PDE3A: variants seen among roughly 807,000 people sequenced by gnomAD.
PDE3A encodes the protein cGMP-inhibited 3',5'-cyclic phosphodiesterase 3A.
In PDE3A, 43 loss-of-function variants were observed where a neutral mutation model predicts 98.3. The observed-to-expected ratio is 0.44, with a 90% CI of 0.34 to 0.56. The LOEUF (loss-of-function observed/expected upper bound fraction) is 0.56, where lower values mean the gene tolerates loss of function less well. Ranked by LOEUF, PDE3A falls within the 20% of genes least tolerant of loss-of-function variation. The probability of loss-of-function intolerance (pLI) is 0.01; values close to 1 mark genes in which losing one functional copy is unlikely to be tolerated. For synonymous variants in PDE3A, 663 were observed against 567.9 expected, an observed-to-expected ratio of 1.17 and a Z score of -2.38; for missense variants, 1,427 against 1,440.7, an observed-to-expected ratio of 0.99 and a Z score of 0.15.
At chr12:20,531,920 A>C (rs537480324) in intron 1 of PDE3A, among the ~76,000 whole-genome samples, 1 of 143,024 alleles carries the variant, frequency 7.0e-6, no homozygotes, top group African/African-American at 2.5e-5. Context: ...TTTGTTATTT[A>C]ATTTTAGGAA....
chr12:20,417,942 T>C (rs1295522529), intron 1 of PDE3A, among the ~76,000 whole-genome samples: 1 of 152,206 alleles, frequency 6.6e-6, no homozygotes, highest in East Asian at 1.9e-4. Flanking sequence ...TATACATTAT[T>C]ATCCTAAAAA....
intron 2 of PDE3A, among the ~76,000 whole-genome samples, chr12:20,559,893 A>AT (rs1263663882): frequency 1.3e-5 from 2 of 152,086 alleles, no homozygotes; most frequent in South Asian, 2.1e-4. Context: ...ATATATGTGA[A>AT]TTTTTTTATA....
rs138817197 is a variant in PDE3A, at chr12:20,462,933, G to A, written c.960+92689G>A. 4.1e-4 allele frequency among the ~76,000 whole-genome samples: 63 copies of A among 152,000 alleles called. No homozygotes were observed. In the East Asian group the frequency reaches 0.011, roughly 26 times the overall value. ...GCCTCCTGAGTATACCACCATGCCA[G>A]GCTAATTTTTAATTTTTTTGTAGAG... On this transcript the variant is annotated intron_variant, in intron 1 of 15. Transcript: ENST00000359062.
chr12:20,629,066 GGTT>G (rs1208269968), intron 5 of PDE3A, among the ~76,000 whole-genome samples: 4 of 152,170 alleles, frequency 2.6e-5, no homozygotes, highest in Non-Finnish European at 4.4e-5. Flanking sequence ...CCAGTAAGCA[GGTT>G]GTTAGGCAGA....
At chr12:20,637,026 G>T (rs1944529453) in intron 8 of PDE3A, 74 bp from the exon 9 acceptor site, 1 of 997,640 alleles carries the variant, frequency 1.0e-6, no homozygotes, top group South Asian at 2.2e-5. Flanking sequence ...AGTTGTTATT[G>T]AATTTAGCAA....
At chr12:20,370,418 T>G (rs539853544) in intron 1 of PDE3A, among the ~76,000 whole-genome samples, 174 bp downstream of exon 1, 66 of 150,172 alleles carry the variant, frequency 4.4e-4, no homozygotes, top group South Asian at 1.7e-3. Flanking sequence ...TGTTTTTTTT[T>G]TTTTGTTTTT....
At chr12:20,446,438 C>T (rs559750595) in intron 1 of PDE3A, among the ~76,000 whole-genome samples, 451 of 152,274 alleles carry the variant, frequency 3.0e-3, no homozygotes, top group Non-Finnish European at 5.3e-3. Flanking sequence ...TCTAAGCCAA[C>T]AGTTGGCGAG....
At chr12:20,550,655 T>G (rs1227297196) in intron 1 of PDE3A, among the ~76,000 whole-genome samples, 2 of 152,190 alleles carry the variant, frequency 1.3e-5, no homozygotes, top group Middle Eastern at 3.4e-3. Flanking sequence ...GTACCCAAAA[T>G]TGTGTGCTAG....
chr12:20,602,898 A>G (rs1313840637), intron 2 of PDE3A, among the ~76,000 whole-genome samples: 1 of 152,212 alleles, frequency 6.6e-6, no homozygotes, highest in Non-Finnish European at 1.5e-5. Context: ...ATGAAAGTAT[A>G]AACACATATG....
intron 3 of PDE3A, among the ~76,000 whole-genome samples, chr12:20,615,705 C>G (rs192291151): frequency 6.6e-6 from 1 of 151,708 alleles, no homozygotes; most frequent in Admixed American, 6.6e-5. Context: ...GAAATAAAGA[C>G]CCTAAAAGGT....
chr12:20,566,909 T>C (rs907031158), intron 2 of PDE3A, among the ~76,000 whole-genome samples: 1 of 151,998 alleles, frequency 6.6e-6, no homozygotes, highest in Non-Finnish European at 1.5e-5. Context: ...CTTAGTGCCA[T>C]AACTTTGGTG....
intron 4 of PDE3A, 121 bp downstream of exon 4, chr12:20,616,505 A>G (rs1413877679): frequency 1.2e-6 from 1 of 848,858 alleles, no homozygotes; most frequent in East Asian, 2.7e-5. Flanking sequence ...AGCTTTGAAG[A>G]TGGAAAGGGT....
chr12:20,517,757 G>A (rs1356788910), intron 1 of PDE3A, among the ~76,000 whole-genome samples: 2 of 152,162 alleles, frequency 1.3e-5, no homozygotes, highest in African/African-American at 2.4e-5. Flanking sequence ...GAAATGTCAT[G>A]TGGGGCCATT....
intron 1 of PDE3A, among the ~76,000 whole-genome samples, chr12:20,392,134 A>T (rs978152194): frequency 6.6e-6 from 1 of 151,862 alleles, no homozygotes; most frequent in African/African-American, 2.4e-5. Flanking sequence ...AGCTTTGAAG[A>T]CCTTCACATG....
At chr12:20,666,003 AC>A (rs1945301412) in intron 15 of PDE3A, among the ~76,000 whole-genome samples, 1 of 122,590 alleles carries the variant, frequency 8.2e-6, no homozygotes, top group South Asian at 2.5e-4. Flanking sequence ...TCAGTCTGTC[AC>A]CCAGTCTGGA....
At chr12:20,646,721 ACTT>A (rs1944785688) in intron 11 of PDE3A, 27 bp from the exon 12 acceptor site, 1 of 1,529,062 alleles carries the variant, frequency 6.5e-7, no homozygotes, top group South Asian at 1.1e-5. Context: ...TTTTTTAAAA[ACTT>A]CTTTGACTCT....
intron 3 of PDE3A, 48 bp downstream of exon 3, chr12:20,613,748 A>G: frequency 1.3e-6 from 2 of 1,484,650 alleles, no homozygotes; most frequent in South Asian, 1.2e-5. Context: ...ATTTTTTTTA[A>G]TTGTCTTCTA....
chr12:20,479,782 C>G (rs1009737678), intron 1 of PDE3A, among the ~76,000 whole-genome samples: 4 of 152,196 alleles, frequency 2.6e-5, no homozygotes, highest in Non-Finnish European at 5.9e-5. Context: ...ACTCATTGCT[C>G]GAAATCTTCT....
intron 15 of PDE3A, among the ~76,000 whole-genome samples, chr12:20,666,805 T>G (rs1945326399): frequency 6.6e-6 from 1 of 152,236 alleles, no homozygotes; most frequent in African/African-American, 2.4e-5. Flanking sequence ...GTAGTGGGAT[T>G]GCTAGATCAT....
Sources: gnomAD v4.1 joint callset for allele counts (sites outside exome capture counted in the v4.1 genomes callset) on GRCh38, gnomAD v4.1.1 for gene constraint, MANE v1.5 for transcripts, NCBI Gene and HGNC (gene_info 2026-07-23, HGNC 2026-07-21) for gene names.